The following PLCH2 variants were observed in gnomAD, a reference collection of about 807,000 sequenced individuals.
The protein encoded by PLCH2 is phospholipase C eta 2.
A neutral mutation model predicts 134.7 loss-of-function variants in PLCH2; 98 were observed. The ratio of observed to expected loss-of-function variants is 0.73; its 90% CI spans 0.62 to 0.86. The LOEUF (loss-of-function observed/expected upper bound fraction) is 0.86, where lower values mean the gene tolerates loss of function less well. Among genes scored for constraint, PLCH2 ranks in the 40% least tolerant of loss-of-function variants. PLCH2 has a pLI of 0.00. For synonymous variants in PLCH2, 974 were observed against 827.5 expected, an observed-to-expected ratio of 1.18 and a Z score of -3.04; for missense variants, 1,994 against 1,986.6, an observed-to-expected ratio of 1.00 and a Z score of -0.07.
Position 2,504,382 on chromosome 1 carries a change from A to G in PLCH2, c.3420A>G (p.Arg1140=), listed in dbSNP as rs1214953839. 1 of 1,612,012 alleles carries G rather than the reference A, an allele frequency of 6.2e-7. No individual in the cohort carries two copies. The highest frequency in any genetic ancestry group is 8.5e-7 in the Non-Finnish European group (1 of 1,179,720). ...AGCGGCTGGAGCCATGTGGCCACCG[A>G]GACAGCGTTTCCTCCTCCTCCAGCA... is the stretch of plus-strand genomic sequence containing the variant. ...LWQRLEPCGH[R]DSVSSSSSMS... Residue 1140 remains arginine (R), a synonymous_variant, in exon 22 of 22, where the codon CGA becomes CGG. Coordinates refer to ENST00000378486, the MANE Select transcript of PLCH2 (RefSeq NM_014638.4).
At position 2,498,987 on chromosome 1, in the gene PLCH2, G is replaced by C; in HGVS notation, c.2435-97G>C. ...GGCAGTCCCGGAAGCAGCACCGGGAGTGGCACTGGGAGTGGTGTGGGCCGG... is the reference window on the plus strand; with the variant it reads ...GGCAGTCCCGGAAGCAGCACCGGGACTGGCACTGGGAGTGGTGTGGGCCGG... On this transcript the variant is annotated intron_variant, in intron 18 of 21. Transcript: ENST00000378486. The surrounding 1 kb of genome is among the most constrained non-coding windows in gnomAD (Gnocchi z 5.4). 6.9e-7 allele frequency: 1 copy of C among 1,457,968 alleles called. No individual in the cohort carries two copies. The highest frequency in any genetic ancestry group is 9.3e-7 in the Non-Finnish European group (1 of 1,069,532). The allele number at this position is 1,457,968 out of a possible 1,614,324, so 90.3% of individuals were successfully genotyped here.
Position 2,444,409 on chromosome 1 carries a change from C to A in PLCH2, c.115+13780C>A, listed in dbSNP as rs1013232886. On this transcript the variant is annotated intron_variant, in intron 2 of 3. Coordinates refer to the PLCH2 transcript ENST00000609981. The surrounding 1 kb of genome is among the most constrained non-coding windows in gnomAD (Gnocchi z 4.6). ...ATCTGCCTGGGCTGCAGGTGCTCAT[C>A]TGGGGGGAGCCGGCCTCTCCCCACA... Among the ~76,000 whole-genome samples, 1 of 152,194 alleles carries A rather than the reference C, an allele frequency of 6.6e-6. No individual in the cohort carries two copies. The highest frequency in any genetic ancestry group is 1.5e-5 in the Non-Finnish European group (1 of 68,016).
rs1366379903 is a variant in PLCH2, at chr1:2,504,250, TGA to T, written c.3290_3291del (p.Glu1097GlyfsTer31). 6.3e-7 allele frequency: 1 copy of T among 1,585,426 alleles called. No homozygotes were observed. Among genetic ancestry groups the T allele is most frequent in the Non-Finnish European group, 8.6e-7 (1 of 1,167,632 alleles). On this transcript the variant is annotated frameshift_variant, in exon 22 of 22. Transcript: ENST00000378486. LOFTEE classifies it high-confidence loss of function. ...TGCCCGTGATTAGAAGGGTGAAGAG[TGA>T]GGGGCAGGTGCCCACGGAGCCCCTG... ...HLPVIRRVKSEGQVPTEPLGG... is the reference protein window; with the variant it reads ...HLPVIRRVKSXGQVPTEPLGG...
At chr1:2,502,617 C>T (rs920421217) in intron 21 of PLCH2, 3 of 687,796 alleles carry the variant, frequency 4.4e-6, no homozygotes, top group Admixed American at 4.6e-5. Context: ...CGCCAGCAGC[C>T]CCGGGCCCGG....
At chr1:2,446,441 G>A (rs1639945199) in intron 2 of PLCH2, among the ~76,000 whole-genome samples, 1 of 152,216 alleles carries the variant, frequency 6.6e-6, no homozygotes, top group East Asian at 1.9e-4. Context: ...GGGGCCCCAG[G>A]CAGAAGCAGG....
At chr1:2,484,349 A>C in intron 4 of PLCH2, 99 bp from the exon 5 acceptor site, 1 of 1,184,918 alleles carries the variant, frequency 8.4e-7, no homozygotes. Flanking sequence ...GTGGGCTTGC[A>C]TGTTGGTCTT....
At chr1:2,456,377 G>A (rs1640493291) in intron 2 of PLCH2, among the ~76,000 whole-genome samples, 1 of 152,206 alleles carries the variant, frequency 6.6e-6, no homozygotes, top group African/African-American at 2.4e-5. Context: ...GAGGCGGGGC[G>A]GCCCTGGGGG....
upstream of PLCH2, among the ~76,000 whole-genome samples, chr1:2,425,252 CACAT>C (rs546967375): frequency 8.1e-4 from 116 of 143,592 alleles, no homozygotes; most frequent in Middle Eastern, 3.6e-3. Flanking sequence ...ATGTAACACA[CACAT>C]ACATACACAC....
intron 2 of PLCH2, among the ~76,000 whole-genome samples, chr1:2,459,848 G>A (rs1640725766): frequency 6.6e-6 from 1 of 152,274 alleles, no homozygotes. Context: ...GTGGACGGCG[G>A]GCAGTGTTTG....
At chr1:2,472,328 C>A (rs1641363635), upstream of PLCH2, among the ~76,000 whole-genome samples, 1 of 152,202 alleles carries the variant, frequency 6.6e-6, no homozygotes, top group Non-Finnish European at 1.5e-5. Flanking sequence ...GTGGCTGGGG[C>A]AAGGTGGCCA....
At chr1:2,492,928 C>A (rs1642673927) in intron 11 of PLCH2, among the ~76,000 whole-genome samples, 1 of 152,070 alleles carries the variant, frequency 6.6e-6, no homozygotes, top group Non-Finnish European at 1.5e-5. Context: ...GGGGCCCCAC[C>A]CCCAGAAAGC....
At position 2,504,860 on chromosome 1, in the gene PLCH2, A is replaced by G. The variant is rs1277565411; in HGVS notation, c.3898A>G (p.Thr1300Ala). ...GCCAGGGGTGAGACGGGACACCCTGACAGAGCAGCTGCGCTGGCTCACTGT... is the reference window on the plus strand; with the variant it reads ...GCCAGGGGTGAGACGGGACACCCTGGCAGAGCAGCTGCGCTGGCTCACTGT... ...SGPGVRRDTL[T>A]EQLRWLTVFQ... Residue 1300 changes from threonine to alanine, a missense_variant, in exon 22 of 22, where the codon ACA becomes GCA. Around this residue, in one of 2 missense-constraint regions of PLCH2, gnomAD observed 900 missense variants for 752.3 expected, o/e 1.20. Coordinates refer to ENST00000378486, the MANE Select transcript of PLCH2 (RefSeq NM_014638.4). 3.7e-6 allele frequency: 6 copies of G among 1,600,346 alleles called. No homozygotes were observed. Among genetic ancestry groups the G allele is most frequent in the Non-Finnish European group, 5.1e-6 (6 of 1,173,746 alleles).
rs35499456 is a variant in PLCH2 at position 2,444,536 on chromosome 1, G to GT, written c.115+13910dup. On this transcript the variant is annotated intron_variant, in intron 2 of 3. Coordinates refer to the PLCH2 transcript ENST00000609981. The surrounding 1 kb of genome is among the most constrained non-coding windows in gnomAD (Gnocchi z 4.6). ...TCTGTAGGACACGGGAGGGGGAAGT[G>GT]TTTGAGTGTCCACTGCTGAGGGGTC... Among the ~76,000 whole-genome samples the GT allele has an allele frequency of 0.25, 38,419 of 152,062 alleles. 5,914 individuals carry two copies. The highest frequency in any genetic ancestry group is 0.47 in the East Asian group (2,383 of 5,124).
At chr1:2,431,797 G>C (rs998263148) in intron 2 of PLCH2, among the ~76,000 whole-genome samples, 1 of 152,146 alleles carries the variant, frequency 6.6e-6, no homozygotes, top group African/African-American at 2.4e-5. Flanking sequence ...ATGCCTGGGT[G>C]GTGGATGCTG....
chr1:2,494,773 C>G (rs1417697205), intron 11 of PLCH2, 83 bp from the exon 12 acceptor site: 2 of 889,890 alleles, frequency 2.2e-6, no homozygotes, highest in African/African-American at 1.7e-5. Context: ...GGAAGGCCTT[C>G]TGGGACCACC....
At position 2,504,782 on chromosome 1, in the gene PLCH2, C is replaced by T. The variant is rs375251663; in HGVS notation, c.3820C>T (p.Arg1274Cys). The T allele has an allele frequency of 2.0e-5, 33 of 1,611,972 alleles. No homozygotes were observed. The Admixed American group carries it at 3.0e-4, about 15-fold the overall frequency. The change falls in exon 22 of 22, where the codon CGC becomes TGC. Residue 1274 changes from arginine to cysteine, a missense_variant. Coordinates refer to ENST00000378486, the MANE Select transcript of PLCH2 (RefSeq NM_014638.4). ...TGCCCCTAGCTTTGAGGGCGGCTCC[C>T]GCAGACTGAGCCACAGCCTGGGCCT... ...DFAPSFEGGS[R>C]RLSHSLGLPG...
At chr1:2,471,061 T>TG (rs1225323560) in intron 1 of PLCH2, among the ~76,000 whole-genome samples, 1 of 140,752 alleles carries the variant, frequency 7.1e-6, no homozygotes, top group Non-Finnish European at 1.6e-5. Context: ...GCACTCGCGG[T>TG]GGGGGGAGGA....
upstream of PLCH2, among the ~76,000 whole-genome samples, chr1:2,463,234 G>A (rs1640906732): frequency 6.6e-6 from 1 of 152,214 alleles, no homozygotes; most frequent in Non-Finnish European, 1.5e-5. Context: ...AGGGTCAGCT[G>A]GGCTGTGAGA....
At chr1:2,469,875 G>A (rs888190925) in intron 1 of PLCH2, among the ~76,000 whole-genome samples, 4 of 152,228 alleles carry the variant, frequency 2.6e-5, no homozygotes, top group Admixed American at 1.3e-4. Flanking sequence ...CGTGGTGGCC[G>A]CAGGCATGGC....
Sources: gnomAD v4.1 joint callset for allele counts (sites outside exome capture counted in the v4.1 genomes callset) on GRCh38, gnomAD v4.1.1 for gene constraint, gnomAD v4.1.1 regional missense constraint, Gnocchi (gnomAD v3.1) non-coding constraint, MANE v1.5 for transcripts, NCBI Gene and HGNC (gene_info 2026-07-23, HGNC 2026-07-21) for gene names.